The following LIPA variants were observed in gnomAD, a reference collection of about 807,000 sequenced individuals.
LIPA encodes lysosomal acid lipase/cholesteryl ester hydrolase.
Under a neutral mutation model 40.6 loss-of-function variants are expected in LIPA, and 26 were observed. The ratio of observed to expected loss-of-function variants is 0.64; its 90% CI spans 0.47 to 0.89. LIPA has a LOEUF of 0.89. Ranked by LOEUF, LIPA falls within the 40% of genes least tolerant of loss-of-function variation. LIPA has a pLI of 0.00. For missense variants in LIPA, 455 were observed against 479.6 expected (o/e 0.95, Z 0.48); for synonymous variants, 188 against 168.4 (o/e 1.12, Z -0.90).
chr10:89,249,635 A>G (rs1028750121), intron 1 of LIPA, among the ~76,000 whole-genome samples: 9 of 145,240 alleles, frequency 6.2e-5, no homozygotes, highest in South Asian at 2.1e-4. Context: ...CAAAATAAGG[A>G]AAAAAAAAAG....
Position 89,225,072 on chromosome 10 carries a change from G to A in LIPA, c.675+20C>T. 2 of 1,613,220 alleles carry A rather than the reference G, an allele frequency of 1.2e-6. No homozygotes were observed. Among genetic ancestry groups the A allele is most frequent in the Middle Eastern group, 1.8e-4 (1 of 5,540 alleles). Reference sequence around the variant, plus strand: ...AGGAAATCTGCGGGGAGAGGAGAGGGATGGGAGGGGTCCAAGTACCTTAAT... The same window carrying A: ...AGGAAATCTGCGGGGAGAGGAGAGGAATGGGAGGGGTCCAAGTACCTTAAT... On this transcript the variant is annotated intron_variant, in intron 6 of 9. Transcript: ENST00000336233.
intron 1 of LIPA, among the ~76,000 whole-genome samples, chr10:89,413,863 C>T (rs948712520): frequency 2.0e-5 from 3 of 152,056 alleles, no homozygotes; most frequent in East Asian, 1.9e-4. Context: ...GGGTAAGGCC[C>T]GTGTCTGTTT....
intron 1 of LIPA, among the ~76,000 whole-genome samples, chr10:89,326,373 A>G (rs959804823): frequency 4.0e-5 from 6 of 150,194 alleles, no homozygotes; most frequent in Admixed American, 4.0e-4. Context: ...TGTTTGTGGA[A>G]GCTAAAAATA....
chr10:89,362,852 C>A, intron 2 of LIPA: 1 of 335,518 alleles, frequency 3.0e-6, no homozygotes. Context: ...CTGGGTATGT[C>A]ATCACTGCCT....
At chr10:89,382,915 T>A (rs186333677) in intron 2 of LIPA, among the ~76,000 whole-genome samples, 3 of 152,228 alleles carry the variant, frequency 2.0e-5, no homozygotes, top group African/African-American at 4.8e-5. Flanking sequence ...ATGAAAAAGA[T>A]GAGTAAGGAA....
chr10:89,387,353 C>T (rs1356508415), intron 2 of LIPA, among the ~76,000 whole-genome samples: 1 of 150,980 alleles, frequency 6.6e-6, no homozygotes, highest in Non-Finnish European at 1.5e-5. Flanking sequence ...TTAACAACAT[C>T]AATTCACCAT....
At chr10:89,339,418 G>A in intron 1 of LIPA, 2 of 1,614,192 alleles carry the variant, frequency 1.2e-6, no homozygotes, top group Non-Finnish European at 8.5e-7. Context: ...CAGAAGAAAA[G>A]GTGACCTAGA....
rs11203044 is a variant in LIPA at position 89,231,770 on chromosome 10, G to A, written c.230-3372C>T. Among the ~76,000 whole-genome samples, 14 of 152,320 alleles carry A rather than the reference G, an allele frequency of 9.2e-5. No homozygotes were observed. The East Asian group carries it at 2.7e-3, about 29-fold the overall frequency. On this transcript the variant is annotated intron_variant, in intron 3 of 9. Coordinates refer to ENST00000336233, the MANE Select transcript of LIPA (RefSeq NM_000235.4). The stretch of plus-strand genomic sequence containing the variant: ...GGGGATTACAGAAGTGAAACATCAT[G>A]TATGGCTGGTGTGATTTTCTAATCA...
intron 2 of LIPA, chr10:89,402,271 GTT>G: frequency 6.4e-7 from 1 of 1,558,548 alleles, no homozygotes; most frequent in Non-Finnish European, 8.7e-7. Context: ...ATCTGTTTTT[GTT>G]TTTACAGTAC....
chr10:89,312,301 C>G (rs1843520918), intron 1 of LIPA, among the ~76,000 whole-genome samples: 1 of 151,956 alleles, frequency 6.6e-6, no homozygotes, highest in Admixed American at 6.6e-5. Context: ...CTTAGCTGGG[C>G]TTGGTGGCAT....
chr10:89,215,961 T>C lies in LIPA; in HGVS notation c.943A>G (p.Lys315Glu), dbSNP rs1842620954. The change falls in exon 9 of 10, where the codon AAG (lysine) becomes GAG (glutamate). Residue 315 changes from lysine to glutamate, a missense_variant. Coordinates refer to ENST00000336233, the MANE Select transcript of LIPA (RefSeq NM_000235.4). ...FQAFDWGSSAKNYFHYNQSYP... is the reference protein window; with the variant it reads ...FQAFDWGSSAENYFHYNQSYP... ...ACCTGGTTGTAATGAAAATAATTCTTGGCACTGCTTCCCCAGTCAAAGGCT... is the reference window on the plus strand; with the variant it reads ...ACCTGGTTGTAATGAAAATAATTCTCGGCACTGCTTCCCCAGTCAAAGGCT... 6.2e-7 allele frequency: 1 copy of C among 1,611,668 alleles called. No homozygotes were observed. The highest frequency in any genetic ancestry group is 8.5e-7 in the Non-Finnish European group (1 of 1,177,734).
chr10:89,406,033 AG>A (rs1369838655), intron 2 of LIPA: 1 of 152,276 alleles, frequency 6.6e-6, no homozygotes, highest in African/African-American at 2.4e-5. Context: ...TTAAGAAGGT[AG>A]GACAGAGATT....
Position 89,242,473 on chromosome 10 carries a change from G to C in LIPA, c.229+3203C>G, listed in dbSNP as rs1240552805. ...CACATAGGATGAATGAGAACAGGAA[G>C]CCTGGCAGAGAAAAGAGCAGTTAGG... On this transcript the variant is annotated intron_variant, in intron 3 of 9. Transcript: ENST00000336233. Among the ~76,000 whole-genome samples the C allele has an allele frequency of 3.3e-5, 5 of 152,196 alleles. No homozygotes were observed. In the East Asian group the frequency reaches 9.6e-4, roughly 29 times the overall value.
chr10:89,334,396 C>T (rs552847824), intron 1 of LIPA, among the ~76,000 whole-genome samples: 2 of 150,984 alleles, frequency 1.3e-5, no homozygotes, highest in Non-Finnish European at 2.9e-5. Flanking sequence ...CTACTAGATG[C>T]AGATCCAGGT....
intron 5 of LIPA, 92 bp from the exon 6 acceptor site, chr10:89,225,320 C>A: frequency 1.7e-6 from 2 of 1,186,256 alleles, no homozygotes; most frequent in Non-Finnish European, 2.4e-6. Flanking sequence ...CGCCCTCTCG[C>A]GGAGGCCTGA....
chr10:89,285,760 C>T (rs1843338259), intron 1 of LIPA, among the ~76,000 whole-genome samples: 1 of 151,922 alleles, frequency 6.6e-6, no homozygotes, highest in South Asian at 2.1e-4. Context: ...CACTCCTTCT[C>T]TCTGTGTCTC....
intron 1 of LIPA, among the ~76,000 whole-genome samples, chr10:89,333,289 T>C (rs1843677756): frequency 1.3e-5 from 2 of 152,172 alleles, no homozygotes; most frequent in Admixed American, 6.5e-5. Context: ...TCTAATAGAA[T>C]GCAAATTTCT....
intron 2 of LIPA, chr10:89,392,980 GA>G: frequency 1.4e-6 from 1 of 700,342 alleles, no homozygotes; most frequent in Non-Finnish European, 2.2e-6. Flanking sequence ...AGGGAAATGG[GA>G]AAAGAGTTTT....
intron 2 of LIPA, among the ~76,000 whole-genome samples, chr10:89,392,913 AT>A (rs1390638896): frequency 6.6e-6 from 1 of 152,178 alleles, no homozygotes; most frequent in East Asian, 1.9e-4. Context: ...ATGCATTTTT[AT>A]GTTTGTTAGC....
Sources: gnomAD v4.1 joint callset for allele counts (sites outside exome capture counted in the v4.1 genomes callset) on GRCh38, gnomAD v4.1.1 for gene constraint, MANE v1.5 for transcripts, NCBI Gene and HGNC (gene_info 2026-07-23, HGNC 2026-07-21) for gene names.